Variants in TM9SF2 observed in about 807,000 individuals in gnomAD.
TM9SF2 encodes transmembrane 9 superfamily member 2.
A neutral mutation model predicts 84.9 loss-of-function variants in TM9SF2; 13 were observed. The observed-to-expected ratio is 0.15, with a 90% confidence interval of 0.10 to 0.24. The LOEUF (loss-of-function observed/expected upper bound fraction) is 0.24. Among genes scored for constraint, TM9SF2 ranks in the 10% least tolerant of loss-of-function variants. The pLI, the probability that TM9SF2 is intolerant of heterozygous loss-of-function variation, is 1.00. For synonymous variants in TM9SF2, 273 were observed against 285.8 expected, an observed-to-expected ratio of 0.96 and a Z score of 0.45; for missense variants, 562 against 818.5, an observed-to-expected ratio of 0.69 and a Z score of 3.82.
In TM9SF2 at chr13:99,551,080, A is replaced by G. The variant is rs568569480; in HGVS notation, c.1329-1087A>G. ...CTAATATTCCAAGATCCTAAACAGC[A>G]CCATTAACCAGTTAAATGTTTTAAT... On this transcript the variant is annotated intron_variant, in intron 12 of 16. Coordinates refer to ENST00000376387, the MANE Select transcript of TM9SF2 (RefSeq NM_004800.3). 7.2e-5 allele frequency among the ~76,000 whole-genome samples: 11 copies of G among 152,372 alleles called. No individual in the cohort carries two copies. The East Asian group carries it at 2.1e-3, about 29-fold the overall frequency.
Position 99,536,297 on chromosome 13 carries a change from T to G in TM9SF2, c.462-311T>G, listed in dbSNP as rs1489394091. Among the ~76,000 whole-genome samples the G allele has an allele frequency of 3.3e-5, 5 of 151,584 alleles. No homozygotes were observed. In the East Asian group the frequency reaches 7.8e-4, roughly 24 times the overall value. On this transcript the variant is annotated intron_variant, in intron 4 of 16. Transcript: ENST00000376387. ...TTTCAAAAAAGGTACGAAGTTTTTT[T>G]TGTTTTTTTTTTTTTCTTTTTTTAA...
At chr13:99,512,448 A>T (rs1056651832) in intron 1 of TM9SF2, among the ~76,000 whole-genome samples, 5 of 152,214 alleles carry the variant, frequency 3.3e-5, no homozygotes. Flanking sequence ...GGGTTGACAA[A>T]TAAGGTACAT....
At position 99,539,546 on chromosome 13, in the gene TM9SF2, G is replaced by T. The variant is rs1594056220; in HGVS notation, c.817G>T (p.Val273Phe). Residue 273 changes from valine (V) to phenylalanine (F), a missense_variant, in exon 7 of 17, where the codon GTT becomes TTT. By Grantham distance (50) the Val-to-Phe change is conservative. Coordinates refer to ENST00000376387, the MANE Select transcript of TM9SF2 (RefSeq NM_004800.3). ...GEIKIAYTYSVSFEEDDKIRW... is the reference protein window; with the variant it reads ...GEIKIAYTYSFSFEEDDKIRW... ...GATAAAAATTGCCTATACTTACTCT[G>T]TTAGCTTCGAGGTGAGTCTGTTGTT... The T allele has an allele frequency of 6.3e-7, 1 of 1,599,874 alleles. No individual in the cohort carries two copies. The highest frequency in any genetic ancestry group is 1.3e-5 in the African/African-American group (1 of 74,584).
intron 11 of TM9SF2, among the ~76,000 whole-genome samples, chr13:99,548,269 ATTAC>A (rs1347056278): frequency 1.3e-5 from 2 of 152,170 alleles, no homozygotes; most frequent in Non-Finnish European, 2.9e-5. Context: ...CAGATCCTGT[ATTAC>A]TTGAATTTTG....
intron 3 of TM9SF2, among the ~76,000 whole-genome samples, chr13:99,528,817 A>C (rs568913254): frequency 1.2e-4 from 19 of 152,240 alleles, no homozygotes; most frequent in African/African-American, 4.3e-4. Flanking sequence ...AGGGATGTTA[A>C]TAAATACATA....
Position 99,562,746 on chromosome 13 carries a change from G to A in TM9SF2, c.1980G>A (p.Val660=). ...TTGTTACCAAAATATACAGTGTGGT[G>A]AAGGTTGACTGAAGAAGTCCAGTGT... is the stretch of plus-strand genomic sequence containing the variant. ...FWFVTKIYSV[V]KVD is the part of the protein sequence containing the mutation. The change falls in exon 17 of 17, where the codon GTG becomes GTA. Residue 660 remains valine (V), a synonymous_variant. Coordinates refer to ENST00000376387, the MANE Select transcript of TM9SF2 (RefSeq NM_004800.3). The A allele has an allele frequency of 6.2e-7, 1 of 1,613,316 alleles. No homozygotes were observed. The highest frequency in any genetic ancestry group is 8.5e-7 in the Non-Finnish European group (1 of 1,179,662).
At chr13:99,556,317 G>A (rs962222380) in intron 15 of TM9SF2, among the ~76,000 whole-genome samples, 11 of 152,098 alleles carry the variant, frequency 7.2e-5, no homozygotes, top group Non-Finnish European at 1.3e-4. Context: ...ACAGTGTTGC[G>A]CCACCACCAC....
intron 3 of TM9SF2, among the ~76,000 whole-genome samples, chr13:99,520,867 G>A (rs890698612): frequency 2.6e-5 from 4 of 152,200 alleles, no homozygotes; most frequent in African/African-American, 9.7e-5. Flanking sequence ...AGTATGCCTA[G>A]CCTAACCTTT....
chr13:99,509,888 A>G (rs757098325), intron 1 of TM9SF2, among the ~76,000 whole-genome samples: 25 of 152,156 alleles, frequency 1.6e-4, no homozygotes, highest in Admixed American at 1.3e-3. Context: ...TTAGGCTGCA[A>G]ATTTTCTGAA....
At chr13:99,534,180 A>G (rs2046223684) in intron 4 of TM9SF2, among the ~76,000 whole-genome samples, 1 of 152,210 alleles carries the variant, frequency 6.6e-6, no homozygotes, top group South Asian at 2.1e-4. Flanking sequence ...TTTATTTATA[A>G]AAATATAATT....
chr13:99,524,055 A>G (rs1373183260), intron 3 of TM9SF2, among the ~76,000 whole-genome samples: 1 of 152,200 alleles, frequency 6.6e-6, no homozygotes, highest in African/African-American at 2.4e-5. Flanking sequence ...CATAGTAGGC[A>G]GTGGGCACAG....
At chr13:99,536,781 T>G (rs757511376) in intron 5 of TM9SF2, 44 bp downstream of exon 5, 18 of 1,604,382 alleles carry the variant, frequency 1.1e-5, no homozygotes, top group Non-Finnish European at 3.4e-6. Context: ...AAACATGGCT[T>G]TTGATAGAAT....
chr13:99,552,100 T>G, intron 12 of TM9SF2, 67 bp from the exon 13 acceptor site: 7 of 1,415,654 alleles, frequency 4.9e-6, no homozygotes, highest in Non-Finnish European at 5.8e-6. Context: ...AGTTGTCATA[T>G]TAATTACATA....
In TM9SF2 at chr13:99,540,448, CTAGTTA is replaced by C. The variant is rs2046253597; in HGVS notation, c.829-263_829-258del. On this transcript the variant is annotated intron_variant, in intron 7 of 16. Coordinates refer to ENST00000376387, the MANE Select transcript of TM9SF2 (RefSeq NM_004800.3). ...GGTCTAAATGTTGACATCTAAACAT[CTAGTTA>C]TAATTTAAAGCAATACTTTTAGTAG... The C allele has an allele frequency of 1.5e-5, 3 of 195,218 alleles. No individual in the cohort carries two copies. In the South Asian group the frequency reaches 5.1e-4, roughly 33 times the overall value. The allele number at this position is 195,218 out of a possible 1,614,324, so 12.1% of individuals were successfully genotyped here.
At chr13:99,517,137 A>G (rs1022912881) in intron 1 of TM9SF2, among the ~76,000 whole-genome samples, 10 of 152,168 alleles carry the variant, frequency 6.6e-5, no homozygotes, top group South Asian at 6.2e-4. Flanking sequence ...ATTTTAAGAC[A>G]CAGCCTTGCT....
chr13:99,519,765 G>A (rs559881080), intron 2 of TM9SF2: 88 of 228,036 alleles, frequency 3.9e-4, no homozygotes, highest in African/African-American at 1.9e-3. Flanking sequence ...GAACAAAAAT[G>A]AATTATAATG....
At chr13:99,532,651 A>C (rs1304385195) in intron 4 of TM9SF2, among the ~76,000 whole-genome samples, 1 of 152,160 alleles carries the variant, frequency 6.6e-6, no homozygotes, top group East Asian at 1.9e-4. Flanking sequence ...AAGGTAGTAG[A>C]AGCAGTTCTT....
At chr13:99,531,563 A>G (rs2046209977) in intron 4 of TM9SF2, among the ~76,000 whole-genome samples, 1 of 151,950 alleles carries the variant, frequency 6.6e-6, no homozygotes, top group Non-Finnish European at 1.5e-5. Flanking sequence ...CTAGTTTGTG[A>G]TGGGAAGGAT....
intron 4 of TM9SF2, among the ~76,000 whole-genome samples, chr13:99,530,734 A>G (rs999027143): frequency 1.3e-5 from 2 of 152,224 alleles, no homozygotes; most frequent in African/African-American, 4.8e-5. Flanking sequence ...TTAGCCTTTC[A>G]TTTTGTAAAC....
Sources: allele counts gnomAD v4.1 joint callset (sites outside exome capture counted in the v4.1 genomes callset), GRCh38; gene constraint gnomAD v4.1.1; transcripts MANE v1.5; gene names NCBI Gene and HGNC (gene_info 2026-07-23, HGNC 2026-07-21).